Variants in PEX14 observed in about 807,000 individuals in gnomAD.
PEX14 encodes peroxisomal membrane protein PEX14.
PEX14 carries 15 observed loss-of-function variants against 49.5 expected under a neutral mutation model. The ratio of observed to expected loss-of-function variants is 0.30; its 90% CI spans 0.20 to 0.47. PEX14 has a LOEUF of 0.47. Ranked by LOEUF, PEX14 falls within the 20% of genes least tolerant of loss-of-function variation. The pLI is 1.00. For missense variants in PEX14, 398 were observed against 494.8 expected (o/e 0.80, Z 1.86); for synonymous variants, 210 against 212.7 (o/e 0.99, Z 0.11).
At position 10,628,120 on chromosome 1, in the gene PEX14, G is replaced by A. The variant is rs1405087416; in HGVS notation, c.677+757G>A. Among the ~76,000 whole-genome samples, 1 of 152,198 alleles carries A rather than the reference G, an allele frequency of 6.6e-6. No individual in the cohort carries two copies. Among genetic ancestry groups the A allele is most frequent in the Admixed American group, 6.5e-5 (1 of 15,274 alleles). On this transcript the variant is annotated intron_variant, in intron 8 of 8. Coordinates refer to ENST00000356607, the MANE Select transcript of PEX14 (RefSeq NM_004565.3). This position sits in a 1 kb window ranked among gnomAD's most constrained non-coding sequence, Gnocchi z 4.5. ...CCGGCTAATTTTTGTATTTTTAGTA[G>A]AGGTGGGATTTTGCTATGTTGGCCA...
At chr1:10,582,214 G>T (rs1233596313) in intron 3 of PEX14, among the ~76,000 whole-genome samples, 2 of 151,850 alleles carry the variant, frequency 1.3e-5, no homozygotes, top group Non-Finnish European at 2.9e-5. Flanking sequence ...GGATTATCAT[G>T]AAGTACTACA....
At chr1:10,484,692 C>T (rs576663324) in intron 1 of PEX14, among the ~76,000 whole-genome samples, 9 of 151,716 alleles carry the variant, frequency 5.9e-5, no homozygotes, top group Non-Finnish European at 1.2e-4. Flanking sequence ...CACCAGGCTA[C>T]TATTGAGAAA....
At chr1:10,570,865 T>TTTTTTTTGG (rs1570283463) in intron 3 of PEX14, among the ~76,000 whole-genome samples, 1 of 147,712 alleles carries the variant, frequency 6.8e-6, no homozygotes, top group Non-Finnish European at 1.5e-5. Context: ...TTTTTTTTTT[T>TTTTTTTTGG]GAGATGGTAT....
intron 2 of PEX14, among the ~76,000 whole-genome samples, chr1:10,531,983 C>T (rs1638662720): frequency 1.3e-5 from 2 of 152,158 alleles, no homozygotes; most frequent in Non-Finnish European, 2.9e-5. Context: ...TCAGGAACCT[C>T]AGTTCTTCTC....
chr1:10,482,936 GGATTTGTCTGATTTGTTCCCTTA>G (rs1641306889), intron 1 of PEX14, among the ~76,000 whole-genome samples: 1 of 152,070 alleles, frequency 6.6e-6, no homozygotes. Flanking sequence ...TCCACCATCT[GGATTTGTCTGATTTGTTCCCTTA>G]CATTTAGATC....
chr1:10,481,758 A>T (rs1641287026), intron 1 of PEX14, among the ~76,000 whole-genome samples: 1 of 149,630 alleles, frequency 6.7e-6, no homozygotes, highest in South Asian at 2.1e-4. Context: ...GTGACAGTTT[A>T]TTATCACTGC....
In PEX14 at chr1:10,630,171, T is replaced by A; in HGVS notation, c.*184T>A. On this transcript the variant is annotated 3_prime_UTR_variant, in exon 9 of 9. Coordinates refer to ENST00000356607, the MANE Select transcript of PEX14 (RefSeq NM_004565.3). This position sits in a 1 kb window ranked among gnomAD's most constrained non-coding sequence, Gnocchi z 4.1. Reference sequence around the variant, plus strand: ...TCACACTTCTGTCCACCTGGCCTCCTCTCGCCTGGCCGCCAGCCCCAGCCC... The same window carrying A: ...TCACACTTCTGTCCACCTGGCCTCCACTCGCCTGGCCGCCAGCCCCAGCCC... The A allele has an allele frequency of 1.0e-6, 1 of 960,308 alleles. No individual in the cohort carries two copies. Among genetic ancestry groups the A allele is most frequent in the Non-Finnish European group, 1.5e-6 (1 of 664,718 alleles). 59.5% of individuals were successfully genotyped at this position (960,308 alleles called of 1,614,324 possible).
intron 2 of PEX14, among the ~76,000 whole-genome samples, chr1:10,498,034 C>T (rs1641600303): frequency 6.6e-6 from 1 of 152,220 alleles, no homozygotes; most frequent in South Asian, 2.1e-4. Flanking sequence ...CATCCCAGCA[C>T]TTTGGGAGGC....
chr1:10,550,199 T>C (rs1229842422), intron 3 of PEX14, among the ~76,000 whole-genome samples: 2 of 152,038 alleles, frequency 1.3e-5, no homozygotes, highest in African/African-American at 4.8e-5. Context: ...ACCAGAAGAA[T>C]GATAAGTGGT....
intron 2 of PEX14, among the ~76,000 whole-genome samples, chr1:10,500,427 G>T (rs1641656568): frequency 6.7e-6 from 1 of 148,508 alleles, no homozygotes; most frequent in African/African-American, 2.5e-5. Context: ...AGCTACAGCC[G>T]GTTGCCTGTC....
chr1:10,481,445 G>GT (rs1049856027), intron 1 of PEX14, among the ~76,000 whole-genome samples: 11 of 151,750 alleles, frequency 7.2e-5, no homozygotes, highest in African/African-American at 2.4e-4. Context: ...TTGTTTGTTT[G>GT]TTTGTTTGTT....
At chr1:10,483,572 C>G (rs1641319271) in intron 1 of PEX14, among the ~76,000 whole-genome samples, 1 of 151,900 alleles carries the variant, frequency 6.6e-6, no homozygotes, top group Admixed American at 6.6e-5. Flanking sequence ...GCCTCGGCCC[C>G]CCAAAGTGCT....
chr1:10,524,075 A>T (rs1638388589), intron 2 of PEX14, among the ~76,000 whole-genome samples: 1 of 152,142 alleles, frequency 6.6e-6, no homozygotes, highest in African/African-American at 2.4e-5. Context: ...CGCTAATCAG[A>T]TTCCCACAGA....
chr1:10,589,735 ATTATT>A (rs1640604393), intron 3 of PEX14, among the ~76,000 whole-genome samples: 2 of 152,140 alleles, frequency 1.3e-5, no homozygotes, highest in South Asian at 4.1e-4. Flanking sequence ...CTTTTACTAC[ATTATT>A]TTATTATTTC....
At chr1:10,607,178 C>T (rs1002510764) in intron 4 of PEX14, among the ~76,000 whole-genome samples, 10 of 151,890 alleles carry the variant, frequency 6.6e-5, no homozygotes, top group South Asian at 2.1e-4. Context: ...TTCCGCTCAG[C>T]GTAGTGTTGC....
intron 1 of PEX14, among the ~76,000 whole-genome samples, chr1:10,481,248 CT>C (rs1311442123): frequency 6.6e-6 from 1 of 151,450 alleles, no homozygotes; most frequent in Non-Finnish European, 1.5e-5. Context: ...AGCAATTCTC[CT>C]GTCTCAGCTT....
intron 3 of PEX14, among the ~76,000 whole-genome samples, chr1:10,555,828 G>A (rs566058169): frequency 3.3e-5 from 5 of 152,316 alleles, no homozygotes; most frequent in African/African-American, 1.2e-4. Context: ...GTGGCCGGGC[G>A]TTGCATCATA....
intron 3 of PEX14, among the ~76,000 whole-genome samples, chr1:10,537,514 A>C (rs1011992020): frequency 6.6e-6 from 1 of 152,144 alleles, no homozygotes; most frequent in East Asian, 1.9e-4. Context: ...AAAGCATTGA[A>C]GCTGGGGAAA....
intron 3 of PEX14, among the ~76,000 whole-genome samples, chr1:10,586,064 C>T (rs1171293661): frequency 1.3e-5 from 2 of 152,218 alleles, no homozygotes; most frequent in Admixed American, 6.5e-5. Context: ...ACAAATCTAT[C>T]ATAATGGGAC....
Sources: allele counts gnomAD v4.1 joint callset (sites outside exome capture counted in the v4.1 genomes callset), GRCh38; gene constraint gnomAD v4.1.1; non-coding constraint Gnocchi (gnomAD v3.1); transcripts MANE v1.5; gene names NCBI Gene and HGNC (gene_info 2026-07-23, HGNC 2026-07-21).